Variants in PPFIA2 observed in about 807,000 individuals in gnomAD.
PPFIA2 encodes the protein liprin-alpha-2.
A neutral mutation model predicts 175.5 loss-of-function variants in PPFIA2; 46 were observed. That is an observed-to-expected ratio of 0.26 (90% CI 0.21 to 0.34). PPFIA2 has a LOEUF of 0.34. PPFIA2 is among the 10% of genes least tolerant of loss of function. PPFIA2 has a pLI of 1.00. For missense variants in PPFIA2, 1,179 were observed against 1,506.1 expected (o/e 0.78, Z 3.60); for synonymous variants, 568 against 511.4 (o/e 1.11, Z -1.49).
chr12:81,282,777 A>C (rs918218780), intron 26 of PPFIA2: 9 of 334,942 alleles, frequency 2.7e-5, no homozygotes, highest in African/African-American at 1.5e-4. Context: ...AAGAAAGAAA[A>C]GTACCCTTTT....
intron 4 of PPFIA2, among the ~76,000 whole-genome samples, chr12:81,460,278 G>A (rs776816117): frequency 2.6e-5 from 4 of 152,022 alleles, no homozygotes; most frequent in Non-Finnish European, 2.9e-5. Context: ...AAGGGAAACC[G>A]CTTTCATTTG....
chr12:81,687,001 T>A (rs1216323486), intron 3 of PPFIA2, among the ~76,000 whole-genome samples: 1 of 151,958 alleles, frequency 6.6e-6, no homozygotes, highest in Non-Finnish European at 1.5e-5. Context: ...AGCAGCAACA[T>A]CACCTAGGAA....
intron 8 of PPFIA2, among the ~76,000 whole-genome samples, chr12:81,405,422 T>C (rs1277976337): frequency 6.6e-6 from 1 of 151,994 alleles, no homozygotes; most frequent in Non-Finnish European, 1.5e-5. Flanking sequence ...TGCCTATATA[T>C]GTACATATAT....
chr12:81,473,781 C>T (rs942368509), intron 4 of PPFIA2, among the ~76,000 whole-genome samples: 1 of 152,106 alleles, frequency 6.6e-6, no homozygotes, highest in East Asian at 1.9e-4. Context: ...ACTGCAGAAC[C>T]ATGACTTTGC....
chr12:81,405,365 T>C (rs2042746423), intron 8 of PPFIA2, among the ~76,000 whole-genome samples: 1 of 152,084 alleles, frequency 6.6e-6, no homozygotes, highest in African/African-American at 2.4e-5. Flanking sequence ...AATTGTATAT[T>C]ATATCACTTA....
chr12:81,738,284 T>C (rs1461406587), intron 3 of PPFIA2, among the ~76,000 whole-genome samples: 8 of 151,836 alleles, frequency 5.3e-5, no homozygotes, highest in African/African-American at 1.9e-4. Flanking sequence ...GGAATAAAGG[T>C]GAAGTAAAGA....
At chr12:81,367,744 T>C (rs1382120052) in intron 13 of PPFIA2, among the ~76,000 whole-genome samples, 2 of 151,700 alleles carry the variant, frequency 1.3e-5, no homozygotes, top group African/African-American at 4.8e-5. Context: ...GCATCATAGA[T>C]ACTTAAAATA....
At chr12:81,309,934 G>A (rs915798069) in intron 22 of PPFIA2, among the ~76,000 whole-genome samples, 2 of 151,760 alleles carry the variant, frequency 1.3e-5, no homozygotes, top group African/African-American at 4.8e-5. Context: ...AAAATGAGAG[G>A]GGCTTATATT....
chr12:81,648,177 A>T (rs969582144), intron 4 of PPFIA2, among the ~76,000 whole-genome samples: 1 of 151,758 alleles, frequency 6.6e-6, no homozygotes. Flanking sequence ...TTATTTTCTC[A>T]ATCAATAAAA....
intron 23 of PPFIA2, among the ~76,000 whole-genome samples, chr12:81,299,100 C>T (rs1800868424): frequency 6.6e-6 from 1 of 152,178 alleles, no homozygotes; most frequent in Admixed American, 6.6e-5. Context: ...TTTTATCCCA[C>T]TGCATGATTT....
At chr12:81,687,832 AATT>A (rs545517624) in intron 3 of PPFIA2, among the ~76,000 whole-genome samples, 29 of 152,014 alleles carry the variant, frequency 1.9e-4, no homozygotes, top group East Asian at 1.6e-3. Context: ...AAACAATATT[AATT>A]ATTATTATTC....
intron 4 of PPFIA2, among the ~76,000 whole-genome samples, chr12:81,613,747 T>G (rs972295005): frequency 6.6e-6 from 1 of 152,162 alleles, no homozygotes; most frequent in Non-Finnish European, 1.5e-5. Flanking sequence ...ACTAGAATAA[T>G]GCATAGCATG....
intron 9 of PPFIA2, among the ~76,000 whole-genome samples, chr12:81,381,739 A>G (rs2141929849): frequency 6.6e-6 from 1 of 152,280 alleles, no homozygotes; most frequent in Non-Finnish European, 1.5e-5. Flanking sequence ...AAAAAGTTGT[A>G]TCATTATCTG....
chr12:81,646,731 T>C (rs565595712), intron 4 of PPFIA2, among the ~76,000 whole-genome samples: 81 of 152,302 alleles, frequency 5.3e-4, no homozygotes, highest in African/African-American at 1.9e-3. Flanking sequence ...GCTCAACTAC[T>C]TTCTGCTAAC....
At chr12:81,301,768 C>T (rs1027615007) in intron 22 of PPFIA2, among the ~76,000 whole-genome samples, 6 of 152,174 alleles carry the variant, frequency 3.9e-5, no homozygotes, top group Non-Finnish European at 1.5e-5. Context: ...TGCTCTTCCC[C>T]TCTATCTCTA....
intron 4 of PPFIA2, among the ~76,000 whole-genome samples, chr12:81,560,953 G>T (rs2069930174): frequency 6.6e-6 from 1 of 152,090 alleles, no homozygotes; most frequent in South Asian, 2.1e-4. Flanking sequence ...TTATGCAAAA[G>T]ACTTTCTGCC....
intron 4 of PPFIA2, among the ~76,000 whole-genome samples, chr12:81,538,482 C>T (rs964904064): frequency 6.6e-6 from 1 of 151,608 alleles, no homozygotes; most frequent in African/African-American, 2.4e-5. Flanking sequence ...AAGATATATG[C>T]TTTGGAAAAT....
chr12:81,605,174 T>G (rs575035389), intron 4 of PPFIA2, among the ~76,000 whole-genome samples: 61 of 151,996 alleles, frequency 4.0e-4, no homozygotes, highest in Non-Finnish European at 6.9e-4. Context: ...GACCAGCAAT[T>G]TGACATAGCC....
intron 4 of PPFIA2, among the ~76,000 whole-genome samples, chr12:81,598,865 T>TA (rs890900316): frequency 6.6e-5 from 10 of 152,006 alleles, no homozygotes; most frequent in African/African-American, 2.4e-4. Context: ...CCATCTTAGC[T>TA]AAAAAATCAT....
Sources: allele counts gnomAD v4.1 joint callset (sites outside exome capture counted in the v4.1 genomes callset), GRCh38; gene constraint gnomAD v4.1.1; transcripts MANE v1.5; gene names NCBI Gene and HGNC (gene_info 2026-07-23, HGNC 2026-07-21).